The following GRIK4 variants were observed in gnomAD, a reference collection of about 807,000 sequenced individuals.
GRIK4 encodes the protein glutamate receptor ionotropic, kainate 4.
A neutral mutation model predicts 104.9 loss-of-function variants in GRIK4; 40 were observed. The ratio of observed to expected loss-of-function variants is 0.38; its 90% CI spans 0.30 to 0.50. The LOEUF is 0.50. Among genes scored for constraint, GRIK4 ranks in the 20% least tolerant of loss-of-function variants. GRIK4 has a pLI of 0.93. For synonymous variants in GRIK4, 485 were observed against 524.9 expected (o/e 0.92, Z 1.04); for missense variants, 1,047 against 1,308.1 (o/e 0.80, Z 3.08).
chr11:120,644,447 T>C (rs1949515819), intron 1 of GRIK4, among the ~76,000 whole-genome samples: 1 of 152,244 alleles, frequency 6.6e-6, no homozygotes, highest in East Asian at 1.9e-4. Flanking sequence ...GGTACTATTA[T>C]TATTCCTGTT....
At chr11:120,526,568 C>A (rs760808851) in intron 1 of GRIK4, among the ~76,000 whole-genome samples, 74 of 152,232 alleles carry the variant, frequency 4.9e-4, no homozygotes, top group Admixed American at 1.6e-3. Flanking sequence ...CACAGTGGCT[C>A]ATGCCTGTAA....
chr11:120,815,506 G>A, intron 5 of GRIK4, 31 bp downstream of exon 5: 1 of 1,296,800 alleles, frequency 7.7e-7, no homozygotes, highest in Non-Finnish European at 1.1e-6. Context: ...GGGAATATCT[G>A]TGTGCTGGAG....
At chr11:120,955,398 G>C (rs1944119096) in intron 15 of GRIK4, among the ~76,000 whole-genome samples, 1 of 152,252 alleles carries the variant, frequency 6.6e-6, no homozygotes, top group Admixed American at 6.5e-5. Context: ...GGAACACTAA[G>C]TGCACATCAG....
chr11:120,599,617 G>A (rs1307464472), intron 1 of GRIK4, among the ~76,000 whole-genome samples: 1 of 152,224 alleles, frequency 6.6e-6, no homozygotes, highest in Non-Finnish European at 1.5e-5. Context: ...CCTCCCTCTT[G>A]TGCTTCCAGG....
At chr11:120,928,506 G>T (rs751385662) in intron 13 of GRIK4, among the ~76,000 whole-genome samples, 2 of 152,152 alleles carry the variant, frequency 1.3e-5, no homozygotes, top group Non-Finnish European at 2.9e-5. Flanking sequence ...ACCCCAAAAA[G>T]CAAGAGGATT....
intron 1 of GRIK4, among the ~76,000 whole-genome samples, chr11:120,565,134 G>C (rs1259804429): frequency 6.6e-6 from 1 of 152,214 alleles, no homozygotes; most frequent in Non-Finnish European, 1.5e-5. Flanking sequence ...CGGAGCCCGC[G>C]TCATCCTGCC....
intron 3 of GRIK4, among the ~76,000 whole-genome samples, chr11:120,704,588 A>T (rs1443515065): frequency 1.3e-5 from 2 of 152,148 alleles, no homozygotes. Flanking sequence ...CCTCTACTAG[A>T]ATGTAAGCTC....
At chr11:120,868,054 C>G (rs933052809) in intron 9 of GRIK4, 2 of 152,146 alleles carry the variant, frequency 1.3e-5, no homozygotes, top group African/African-American at 4.8e-5. Context: ...TGCAGAAGTT[C>G]AGAGACAAAT....
At chr11:120,674,401 A>G (rs535569244) in intron 3 of GRIK4, among the ~76,000 whole-genome samples, 4 of 152,308 alleles carry the variant, frequency 2.6e-5, no homozygotes, top group African/African-American at 7.2e-5. Context: ...ACACGTGCCT[A>G]TAAAACACAT....
At chr11:120,984,624 C>T (rs1404295059) in intron 20 of GRIK4, among the ~76,000 whole-genome samples, 10 of 151,800 alleles carry the variant, frequency 6.6e-5, no homozygotes, top group Middle Eastern at 3.2e-3. Flanking sequence ...AAAATTTAGC[C>T]GGGTGTGATG....
At chr11:120,632,768 C>T (rs1039900062) in intron 1 of GRIK4, among the ~76,000 whole-genome samples, 4 of 152,056 alleles carry the variant, frequency 2.6e-5, no homozygotes, top group Admixed American at 2.6e-4. Context: ...CACCAGCATC[C>T]CCCAGAGGCT....
chr11:120,797,188 G>A (rs1374669522), intron 3 of GRIK4, among the ~76,000 whole-genome samples: 3 of 152,180 alleles, frequency 2.0e-5, no homozygotes, highest in Non-Finnish European at 2.9e-5. Flanking sequence ...GTCTCTGAAC[G>A]CATCTCCCCA....
chr11:120,582,984 C>T (rs367820166), intron 1 of GRIK4, among the ~76,000 whole-genome samples: 3 of 152,304 alleles, frequency 2.0e-5, no homozygotes, highest in African/African-American at 7.2e-5. Flanking sequence ...GCAGTGTATA[C>T]GTGTTCCCTT....
intron 3 of GRIK4, among the ~76,000 whole-genome samples, chr11:120,784,166 A>G (rs1352998224): frequency 2.0e-5 from 3 of 152,238 alleles, no homozygotes; most frequent in South Asian, 2.1e-4. Flanking sequence ...TATTTGAAGG[A>G]ATGATCACAG....
At chr11:120,612,844 C>T (rs1469548142) in intron 1 of GRIK4, among the ~76,000 whole-genome samples, 4 of 152,194 alleles carry the variant, frequency 2.6e-5, no homozygotes, top group Non-Finnish European at 5.9e-5. Flanking sequence ...CATACCAGAG[C>T]TCTGAGCTTC....
intron 3 of GRIK4, among the ~76,000 whole-genome samples, chr11:120,701,352 C>T (rs1950548437): frequency 6.6e-6 from 1 of 152,076 alleles, no homozygotes; most frequent in Non-Finnish European, 1.5e-5. Flanking sequence ...TCTAATATTC[C>T]ACATTTAAGT....
At chr11:120,895,353 C>T in intron 11 of GRIK4, among the ~76,000 whole-genome samples, 1 of 152,106 alleles carries the variant, frequency 6.6e-6, no homozygotes, top group East Asian at 1.9e-4. Context: ...GACATCTAGC[C>T]CAATTGCTCT....
At chr11:120,943,107 T>TACACACAGACAC (rs1943763718) in intron 14 of GRIK4, among the ~76,000 whole-genome samples, 1 of 106,838 alleles carries the variant, frequency 9.4e-6, no homozygotes, top group Non-Finnish European at 2.0e-5. Context: ...TGTCCCTCTC[T>TACACACAGACAC]ACACACACAC....
At position 120,819,798 on chromosome 11, in the gene GRIK4, A is replaced by G; in HGVS notation, c.389A>G (p.Gln130Arg). The change falls in exon 6 of 21, where the codon CAG (glutamine) becomes CGG (arginine). Residue 130 changes from glutamine to arginine, a missense_variant. Around this residue, in one of 3 missense-constraint regions of GRIK4, gnomAD observed 447 missense variants for 514.9 expected, o/e 0.87. Transcript: ENST00000527524. This position sits in a 1 kb window ranked among gnomAD's most constrained non-coding sequence, Gnocchi z 4.3. ...GCCCCAGAGGAGTTCGTCAAGTTCC[A>G]GTTCCAGAGATTCACAACCCTGAAC... is the stretch of plus-strand genomic sequence containing the variant. ...KVAPEEFVKF[Q>R]FQRFTTLNLH... is the part of the protein sequence containing the mutation. 6.2e-7 allele frequency: 1 copy of G among 1,614,166 alleles called. No individual in the cohort carries two copies. Among genetic ancestry groups the G allele is most frequent in the South Asian group, 1.1e-5 (1 of 91,082 alleles).
Sources: allele counts gnomAD v4.1 joint callset (sites outside exome capture counted in the v4.1 genomes callset), GRCh38; gene constraint gnomAD v4.1.1; regional missense constraint gnomAD v4.1.1; non-coding constraint Gnocchi (gnomAD v3.1); transcripts MANE v1.5; gene names NCBI Gene and HGNC (gene_info 2026-07-23, HGNC 2026-07-21).